The following CALN1 variants were observed in gnomAD, a reference collection of about 807,000 sequenced individuals.
CALN1 encodes calneuron 1.
Under a neutral mutation model 30.6 loss-of-function variants are expected in CALN1, and 17 were observed. The observed-to-expected ratio is 0.56, with a 90% CI of 0.38 to 0.83. The LOEUF is 0.83. Among genes scored for constraint, CALN1 ranks in the 40% least tolerant of loss-of-function variants. CALN1 has a pLI of 0.00. For synonymous variants in CALN1, 156 were observed against 131.4 expected, an observed-to-expected ratio of 1.19 and a Z score of -1.28; for missense variants, 291 against 354.9, an observed-to-expected ratio of 0.82 and a Z score of 1.45.
At chr7:71,851,575 T>C (rs1448577719) in intron 5 of CALN1, among the ~76,000 whole-genome samples, 2 of 151,658 alleles carry the variant, frequency 1.3e-5, no homozygotes, top group Non-Finnish European at 2.9e-5. Context: ...CACACACATA[T>C]ATATATTCAC....
chr7:72,307,042 A>G (rs1460138786), intron 2 of CALN1, among the ~76,000 whole-genome samples: 2 of 152,190 alleles, frequency 1.3e-5, no homozygotes, highest in African/African-American at 4.8e-5. Context: ...TCGACAGCAA[A>G]TATGATTGAA....
chr7:72,089,167 AAGAAC>A (rs2129539587), intron 4 of CALN1, among the ~76,000 whole-genome samples: 1 of 152,296 alleles, frequency 6.6e-6, no homozygotes, highest in Admixed American at 6.5e-5. Flanking sequence ...AAAATTAACA[AAGAAC>A]AGAAAAGAGA....
At position 72,278,728 on chromosome 7, in the gene CALN1, C is replaced by A. The variant is rs774556852; in HGVS notation, c.202G>T (p.Asp68Tyr). The A allele has an allele frequency of 1.2e-6, 2 of 1,613,932 alleles. No individual in the cohort carries two copies. The highest frequency in any genetic ancestry group is 2.7e-5 in the African/African-American group (2 of 74,942). ...YLNRSLSAGSDSEQLANISVE... is the reference protein window; with the variant it reads ...YLNRSLSAGSYSEQLANISVE... ...GAGATATTAGCCAGCTGTTCGCTGT[C>A]ACTGCCAGCAGAGAGCGATCGGTTG... The change falls in exon 3 of 7, where the codon GAC becomes TAC. Residue 68 changes from aspartate to tyrosine, a missense_variant. Coordinates refer to ENST00000395275, the MANE Select transcript of CALN1 (RefSeq NM_031468.4).
At chr7:72,356,029 T>C (rs1225895205) in intron 2 of CALN1, among the ~76,000 whole-genome samples, 2 of 152,214 alleles carry the variant, frequency 1.3e-5, no homozygotes, top group African/African-American at 2.4e-5. Context: ...GTGACTGATT[T>C]GCTAGTTACT....
At chr7:72,473,072 G>T in the CALN1 span, among the ~76,000 whole-genome samples, 1 of 151,858 alleles carries the variant, frequency 6.6e-6, no homozygotes, top group Non-Finnish European at 1.5e-5. Flanking sequence ...CCTGTGCTTA[G>T]CTGGGTCAGC....
intron 3 of CALN1, among the ~76,000 whole-genome samples, chr7:72,164,393 T>C (rs752273915): frequency 6.9e-6 from 1 of 145,458 alleles, no homozygotes. Flanking sequence ...CAGAGACACA[T>C]AGGAAGAACG....
intron 2 of CALN1, among the ~76,000 whole-genome samples, chr7:72,301,207 C>A (rs1343172165): frequency 6.6e-6 from 1 of 152,080 alleles, no homozygotes; most frequent in Admixed American, 6.5e-5. Context: ...TCCCAGTCAG[C>A]AGTTGCTAAG....
chr7:72,149,236 C>T lies in CALN1; in HGVS notation c.245-42942G>A, dbSNP rs532579925. Among the ~76,000 whole-genome samples the T allele has an allele frequency of 7.2e-5, 11 of 152,150 alleles. No individual in the cohort carries two copies. In the South Asian group the frequency reaches 1.5e-3, roughly 20 times the overall value. On this transcript the variant is annotated intron_variant, in intron 3 of 6. Transcript: ENST00000395275. Reference sequence around the variant, plus strand: ...ATCCCAGCACTTTGGGAGACCGAGGCGGGTGGATCACTTGAGAGGTCAGGA... The same window carrying T: ...ATCCCAGCACTTTGGGAGACCGAGGTGGGTGGATCACTTGAGAGGTCAGGA...
chr7:72,356,210 G>GTGGTACATGTCCTAATTCTGGGTGCAAC (rs1562917766), intron 2 of CALN1, among the ~76,000 whole-genome samples: 1 of 152,054 alleles, frequency 6.6e-6, no homozygotes, highest in African/African-American at 2.4e-5. Flanking sequence ...GACAGAAAAA[G>GTGGTACATGTCCTAATTCTGGGTGCAAC]ATATGGTTTC....
At chr7:72,048,041 C>CTT (rs1159186115) in intron 4 of CALN1, among the ~76,000 whole-genome samples, 2,676 of 127,522 alleles carry the variant, frequency 0.021, 130 homozygotes, top group East Asian at 0.15. Flanking sequence ...TCTTCTTCTT[C>CTT]TTTTTTTTTT....
At chr7:72,332,489 C>G (rs1176365562) in intron 2 of CALN1, among the ~76,000 whole-genome samples, 1 of 151,772 alleles carries the variant, frequency 6.6e-6, no homozygotes, top group Non-Finnish European at 1.5e-5. Context: ...TCAATTTGGT[C>G]CAGCTACTTG....
the CALN1 span, among the ~76,000 whole-genome samples, chr7:72,455,341 G>A: frequency 6.6e-6 from 1 of 150,584 alleles, no homozygotes; most frequent in Non-Finnish European, 1.5e-5. Context: ...GTGTGTGTGT[G>A]TGTGTGTGTG....
chr7:72,222,249 G>C (rs1178349354), intron 3 of CALN1, among the ~76,000 whole-genome samples: 4 of 151,708 alleles, frequency 2.6e-5, no homozygotes, highest in Non-Finnish European at 4.4e-5. Context: ...AAAAAAGAAA[G>C]AAAGAAAAAA....
intron 1 of CALN1, among the ~76,000 whole-genome samples, chr7:72,443,177 GA>G: frequency 6.6e-6 from 1 of 152,302 alleles, no homozygotes; most frequent in South Asian, 2.1e-4. Context: ...GTCACCATCT[GA>G]CGTGCTATGT....
rs1225874852 is a variant in CALN1, at chr7:71,785,227, TG to T, written c.*2547del. 1.1e-5 allele frequency: 2 copies of T among 187,950 alleles called. No individual in the cohort carries two copies. Among genetic ancestry groups the T allele is most frequent in the African/African-American group, 4.6e-5 (2 of 43,018 alleles). The allele number at this position is 187,950 out of a possible 1,614,324, so 11.6% of individuals were successfully genotyped here. A position where few individuals can be genotyped will look rare whatever the true frequency, so the allele number is the denominator to read the frequency against. On this transcript the variant is annotated 3_prime_UTR_variant, in exon 7 of 7. Coordinates refer to ENST00000395275, the MANE Select transcript of CALN1 (RefSeq NM_031468.4). ...GAATGCATTCTCCTAGATTTTCCCC[TG>T]GGGAGGGTGGGCTTGCTTCCAGGTC...
At chr7:72,216,066 A>T (rs1456633742) in intron 3 of CALN1, among the ~76,000 whole-genome samples, 1 of 152,024 alleles carries the variant, frequency 6.6e-6, no homozygotes, top group Non-Finnish European at 1.5e-5. Flanking sequence ...AACCTTGCAC[A>T]CTTGATCTCA....
intron 5 of CALN1, among the ~76,000 whole-genome samples, chr7:71,903,051 ACTTT>A (rs1197630436): frequency 2.0e-5 from 3 of 151,926 alleles, no homozygotes; most frequent in Admixed American, 2.0e-4. Flanking sequence ...AAAAATTTTT[ACTTT>A]TTTTTAAAAA....
intron 5 of CALN1, among the ~76,000 whole-genome samples, chr7:71,857,770 G>C (rs1405087634): frequency 6.6e-6 from 1 of 151,968 alleles, no homozygotes; most frequent in Non-Finnish European, 1.5e-5. Context: ...CAAGGACCAA[G>C]GTATCTTAAA....
chr7:72,381,749 A>G (rs1804915856), intron 2 of CALN1, among the ~76,000 whole-genome samples: 1 of 152,208 alleles, frequency 6.6e-6, no homozygotes, highest in Non-Finnish European at 1.5e-5. Context: ...TACCTAATGC[A>G]TGCAGGGCTT....
Sources: allele counts gnomAD v4.1 joint callset (sites outside exome capture counted in the v4.1 genomes callset), GRCh38; gene constraint gnomAD v4.1.1; transcripts MANE v1.5; gene names NCBI Gene and HGNC (gene_info 2026-07-23, HGNC 2026-07-21).